Variants in CIROZ observed in about 807,000 individuals in gnomAD.
The protein encoded by CIROZ is ciliated left-right organizer protein containing ZP-N domains, also known as ciliated left-right organizer ZP-N domains-containing protein.
chr1:10,980,049 A>G, the CIROZ span, among the ~76,000 whole-genome samples: 8 of 152,212 alleles, frequency 5.3e-5, no homozygotes, highest in Admixed American at 5.2e-4. Context: ...CTCCGTCTCA[A>G]AAAAAAGAAA....
At chr1:10,955,083 G>A in the CIROZ span, 1 of 1,614,096 alleles carries the variant, frequency 6.2e-7, no homozygotes, top group Non-Finnish European at 8.5e-7. Flanking sequence ...GGACTCGGAG[G>A]AATCTGAGGC....
the CIROZ span, among the ~76,000 whole-genome samples, chr1:10,979,548 G>A: frequency 6.6e-6 from 1 of 151,808 alleles, no homozygotes; most frequent in African/African-American, 2.4e-5. Context: ...AATCTACTAA[G>A]ACTGAACATT....
the CIROZ span, chr1:10,976,325 C>A: frequency 1.6e-5 from 15 of 955,990 alleles, no homozygotes; most frequent in African/African-American, 3.4e-5. Context: ...CCTTCATTCA[C>A]TCATTATATT....
At chr1:10,964,323 A>G in the CIROZ span, 2 of 1,541,370 alleles carry the variant, frequency 1.3e-6, no homozygotes, top group Non-Finnish European at 1.8e-6. Context: ...AAATACAGTT[A>G]ATAGCCTGCA....
the CIROZ span, among the ~76,000 whole-genome samples, chr1:10,976,701 A>G: frequency 3.5e-5 from 4 of 113,586 alleles, no homozygotes; most frequent in South Asian, 2.9e-4. Context: ...CCAAGAGACG[A>G]AAAAAAAAAA....
At chr1:10,947,707 G>T in the CIROZ span, 4 of 1,542,516 alleles carry the variant, frequency 2.6e-6, no homozygotes, top group East Asian at 9.1e-5. Flanking sequence ...CTGTCTTGAA[G>T]CTCAGGAGGC....
At chr1:10,974,102 G>A in the CIROZ span, among the ~76,000 whole-genome samples, 1 of 152,102 alleles carries the variant, frequency 6.6e-6, no homozygotes, top group Admixed American at 6.5e-5. The surrounding 1 kb of genome is among the most constrained non-coding windows in gnomAD (Gnocchi z 4.4). Context: ...TGATTCCTGG[G>A]TGGAATGGGG....
chr1:10,979,221 T>A, the CIROZ span, among the ~76,000 whole-genome samples: 1 of 152,150 alleles, frequency 6.6e-6, no homozygotes, highest in African/African-American at 2.4e-5. Context: ...CTTGAGCTCC[T>A]GGCTTCAAGT....
the CIROZ span, among the ~76,000 whole-genome samples, chr1:10,969,291 T>G: frequency 2.2e-4 from 33 of 152,100 alleles, no homozygotes; most frequent in South Asian, 4.1e-3. Flanking sequence ...TGCTCCTCTC[T>G]CTACTCGTGT....
the CIROZ span, among the ~76,000 whole-genome samples, chr1:10,972,422 C>A: frequency 0.018 from 2,073 of 112,570 alleles, 52 homozygotes; most frequent in African/African-American, 0.091. Context: ...CTCTGAAATA[C>A]ACACACACAC....
At chr1:10,949,684 T>C in the CIROZ span, 3 of 1,605,564 alleles carry the variant, frequency 1.9e-6, no homozygotes, top group East Asian at 6.7e-5. Context: ...CCTGGGCAGC[T>C]GGTCCTGCAG....
chr1:10,948,272 C>T, the CIROZ span: 10 of 1,613,964 alleles, frequency 6.2e-6, no homozygotes, highest in Non-Finnish European at 5.9e-6. Flanking sequence ...GCCTCTCCAC[C>T]TCCGTTCCAG....
chr1:10,949,382 C>T, the CIROZ span: 1 of 560,366 alleles, frequency 1.8e-6, no homozygotes, highest in East Asian at 3.2e-5. Context: ...TGGGAGGCTG[C>T]CGTGATCCAG....
the CIROZ span, chr1:10,949,593 C>G: frequency 1.9e-6 from 3 of 1,578,178 alleles, no homozygotes; most frequent in Admixed American, 3.6e-5. Context: ...TTGGAGGAAA[C>G]CATGGGCAGA....
chr1:10,953,484 C>G, the CIROZ span, among the ~76,000 whole-genome samples: 13 of 152,308 alleles, frequency 8.5e-5, no homozygotes, highest in South Asian at 2.7e-3. Context: ...TCCTCTTGAG[C>G]TGAGAAACAA....
the CIROZ span, chr1:10,956,996 G>T: frequency 1.3e-6 from 2 of 1,534,438 alleles, no homozygotes; most frequent in Non-Finnish European, 8.8e-7. Context: ...TGGAAAGGTG[G>T]ACATTAGGGG....
chr1:10,974,246 A>G, the CIROZ span, among the ~76,000 whole-genome samples: 2 of 152,058 alleles, frequency 1.3e-5, no homozygotes, highest in Non-Finnish European at 2.9e-5. The surrounding 1 kb of genome is among the most constrained non-coding windows in gnomAD (Gnocchi z 4.4). Context: ...TGGACCAATC[A>G]GCACACACTT....
the CIROZ span, among the ~76,000 whole-genome samples, chr1:10,959,365 C>T: frequency 1.3e-5 from 2 of 152,144 alleles, no homozygotes; most frequent in South Asian, 2.1e-4. This position sits in a 1 kb window ranked among gnomAD's most constrained non-coding sequence, Gnocchi z 4.3. Context: ...ACAGCCATCC[C>T]GTAGGGTGGC....
At chr1:10,958,478 T>G in the CIROZ span, among the ~76,000 whole-genome samples, 1 of 152,202 alleles carries the variant, frequency 6.6e-6, no homozygotes, top group South Asian at 2.1e-4. Flanking sequence ...CACCCAAAGC[T>G]GGGGTCCCCT....
Sources: gnomAD v4.1 joint callset for allele counts (sites outside exome capture counted in the v4.1 genomes callset) on GRCh38, gnomAD v4.1.1 for gene constraint, Gnocchi (gnomAD v3.1) non-coding constraint, MANE v1.5 for transcripts, NCBI Gene and HGNC (gene_info 2026-07-23, HGNC 2026-07-21) for gene names.